SPAG16: variants seen among roughly 807,000 people sequenced by gnomAD.
The protein encoded by SPAG16 is sperm-associated antigen 16 protein.
A neutral mutation model predicts 80.4 loss-of-function variants in SPAG16; 86 were observed. That is an observed-to-expected ratio of 1.07 (90% CI 0.90 to 1.28). The LOEUF (loss-of-function observed/expected upper bound fraction) is 1.28. SPAG16 is among the 50% of genes most tolerant of loss of function. The pLI is 0.00. For missense variants in SPAG16, 870 were observed against 765.3 expected (o/e 1.14, Z -1.61); for synonymous variants, 294 against 265.9 (o/e 1.11, Z -1.03).
At chr2:213,870,872 G>C (rs1034577510) in intron 11 of SPAG16, among the ~76,000 whole-genome samples, 1 of 152,110 alleles carries the variant, frequency 6.6e-6, no homozygotes, top group African/African-American at 2.4e-5. Context: ...TAAGGGCAAG[G>C]TCTAGATCTC....
chr2:213,902,463 C>T (rs2077257533), intron 11 of SPAG16, among the ~76,000 whole-genome samples: 1 of 152,092 alleles, frequency 6.6e-6, no homozygotes, highest in Non-Finnish European at 1.5e-5. Context: ...GAGGAAGGTG[C>T]CAAAGCAGAA....
chr2:214,370,356 C>T (rs1250092075), intron 15 of SPAG16, among the ~76,000 whole-genome samples: 2 of 152,120 alleles, frequency 1.3e-5, no homozygotes, highest in Non-Finnish European at 2.9e-5. Flanking sequence ...CAGTCTCTAC[C>T]ATGTCTCTCA....
chr2:213,906,204 T>G, intron 11 of SPAG16, among the ~76,000 whole-genome samples: 1 of 151,738 alleles, frequency 6.6e-6, no homozygotes, highest in East Asian at 1.9e-4. Flanking sequence ...CAGCAGCCTT[T>G]CTATGCACCA....
At chr2:213,869,291 A>ATGTGTG (rs200943580) in intron 11 of SPAG16, among the ~76,000 whole-genome samples, 1 of 123,276 alleles carries the variant, frequency 8.1e-6, no homozygotes, top group East Asian at 2.2e-4. Flanking sequence ...GTATATATAT[A>ATGTGTG]TGTATATATA....
chr2:213,958,312 G>T (rs2044248172), intron 12 of SPAG16, among the ~76,000 whole-genome samples: 1 of 152,106 alleles, frequency 6.6e-6, no homozygotes, highest in Non-Finnish European at 1.5e-5. Flanking sequence ...AGTGGGTCAG[G>T]TAGGTTATAT....
intron 12 of SPAG16, among the ~76,000 whole-genome samples, chr2:213,931,538 G>T (rs568163226): frequency 6.6e-6 from 1 of 152,078 alleles, no homozygotes; most frequent in Non-Finnish European, 1.5e-5. Flanking sequence ...CTTGGTTGAG[G>T]ATCGTAATAG....
chr2:213,758,470 G>A (rs886663132), intron 10 of SPAG16, among the ~76,000 whole-genome samples: 1 of 151,728 alleles, frequency 6.6e-6, no homozygotes, highest in African/African-American at 2.4e-5. Context: ...AATGATATAT[G>A]AACAAAATGA....
chr2:214,038,141 C>G (rs960984538), intron 13 of SPAG16, among the ~76,000 whole-genome samples: 2 of 152,078 alleles, frequency 1.3e-5, no homozygotes, highest in African/African-American at 2.4e-5. Context: ...TTTCTCTATA[C>G]AAAGTAGAGT....
intron 10 of SPAG16, among the ~76,000 whole-genome samples, chr2:213,856,501 C>T (rs2075173844): frequency 6.6e-6 from 1 of 152,214 alleles, no homozygotes; most frequent in Non-Finnish European, 1.5e-5. Context: ...ATTTCCCTTC[C>T]ACACTGCTCT....
At chr2:213,926,664 C>T (rs929545511) in intron 11 of SPAG16, among the ~76,000 whole-genome samples, 6 of 151,738 alleles carry the variant, frequency 4.0e-5, no homozygotes, top group African/African-American at 9.7e-5. Context: ...AACCTTACGT[C>T]GTTTGATCTT....
intron 10 of SPAG16, among the ~76,000 whole-genome samples, chr2:213,517,658 C>A (rs2075485097): frequency 6.6e-6 from 1 of 152,034 alleles, no homozygotes; most frequent in South Asian, 2.1e-4. Flanking sequence ...AGAAATAAAG[C>A]CACACACATC....
At chr2:213,685,452 G>T (rs73988587) in intron 10 of SPAG16, among the ~76,000 whole-genome samples, 1,985 of 152,342 alleles carry the variant, frequency 0.013, 45 homozygotes, top group African/African-American at 0.044. Context: ...AGCACCTTCA[G>T]TGGGAGCATG....
At chr2:213,608,807 T>C (rs2125008740) in intron 10 of SPAG16, among the ~76,000 whole-genome samples, 1 of 152,316 alleles carries the variant, frequency 6.6e-6, no homozygotes, top group Non-Finnish European at 1.5e-5. Context: ...TGCCTCAGCC[T>C]CCCGAGTAGC....
intron 7 of SPAG16, among the ~76,000 whole-genome samples, chr2:213,357,343 A>T (rs989383517): frequency 6.6e-6 from 1 of 152,082 alleles, no homozygotes; most frequent in Non-Finnish European, 1.5e-5. Flanking sequence ...TCTGTCTAAT[A>T]TTGACAGTAG....
rs566072124 is a variant in SPAG16 at position 214,074,659 on chromosome 2, G to A, written c.1528-33537G>A. On this transcript the variant is annotated intron_variant, in intron 13 of 15. Coordinates refer to ENST00000331683, the MANE Select transcript of SPAG16 (RefSeq NM_024532.5). ...AGAAAATACCTGAAAAAAAGCTAGG[G>A]TACAGAAATATGAAGCACTCCTGTA... Among the ~76,000 whole-genome samples the A allele has an allele frequency of 3.5e-4, 53 of 151,730 alleles. No individual in the cohort carries two copies. In the South Asian group the frequency reaches 0.011, roughly 30 times the overall value.
intron 15 of SPAG16, among the ~76,000 whole-genome samples, chr2:214,169,038 A>G (rs2056777023): frequency 6.6e-6 from 1 of 152,070 alleles, no homozygotes; most frequent in African/African-American, 2.4e-5. Flanking sequence ...GATATATCCC[A>G]ATGTTTTCTA....
At chr2:213,715,398 G>A (rs2066196133) in intron 10 of SPAG16, among the ~76,000 whole-genome samples, 1 of 152,130 alleles carries the variant, frequency 6.6e-6, no homozygotes, top group South Asian at 2.1e-4. Context: ...CATAAAGTTA[G>A]AGTAAGGATC....
intron 5 of SPAG16, among the ~76,000 whole-genome samples, chr2:213,319,573 G>GTA (rs1330290787): frequency 6.6e-6 from 1 of 151,818 alleles, no homozygotes; most frequent in Non-Finnish European, 1.5e-5. Flanking sequence ...CTATGATTTT[G>GTA]TATATTCATC....
chr2:213,368,281 G>A (rs2066431627), intron 8 of SPAG16, among the ~76,000 whole-genome samples: 1 of 151,964 alleles, frequency 6.6e-6, no homozygotes, highest in Non-Finnish European at 1.5e-5. Context: ...GCTCTTTTTT[G>A]GATCCATATG....
Sources: gnomAD v4.1 joint callset for allele counts (sites outside exome capture counted in the v4.1 genomes callset) on GRCh38, gnomAD v4.1.1 for gene constraint, MANE v1.5 for transcripts, NCBI Gene and HGNC (gene_info 2026-07-23, HGNC 2026-07-21) for gene names.